Variants in DVL1 observed in about 807,000 individuals in gnomAD.
The protein encoded by DVL1 is dishevelled segment polarity protein 1.
A neutral mutation model predicts 65.0 loss-of-function variants in DVL1; 49 were observed. The observed-to-expected ratio is 0.75, with a 90% CI of 0.60 to 0.96. The LOEUF is 0.96. Ranked by LOEUF, DVL1 falls within the 40% of genes least tolerant of loss-of-function variation. The probability of loss-of-function intolerance (pLI) is 0.00; values close to 1 mark genes in which losing one functional copy is unlikely to be tolerated. For synonymous variants in DVL1, 608 were observed against 433.9 expected, an observed-to-expected ratio of 1.40 and a Z score of -4.99; for missense variants, 1,197 against 1,045.4, an observed-to-expected ratio of 1.15 and a Z score of -2.00.
At chr1:1,348,584 G>C (rs900507227) in intron 1 of DVL1, among the ~76,000 whole-genome samples, 2 of 152,222 alleles carry the variant, frequency 1.3e-5, no homozygotes, top group Non-Finnish European at 2.9e-5. Context: ...ACCAACGGCA[G>C]GCGCTCCCGG....
In DVL1 at chr1:1,341,432, G is replaced by A. The variant is rs307363; in HGVS notation, c.605+235C>T. 0.97 allele frequency among the ~76,000 whole-genome samples: 147,718 copies of A among 152,234 alleles called. 71,709 individuals are homozygous for A. The highest frequency in any genetic ancestry group is 0.99 in the African/African-American group (41,006 of 41,510). On this transcript the variant is annotated intron_variant, in intron 5 of 14. Transcript: ENST00000378888. ...AAGCAGACACGTGCATCATGTACAC[G>A]TTTGCACGCGGGCACACACACAGGC...
chr1:1,336,425 C>G lies in DVL1; in HGVS notation c.1805G>C (p.Ser602Thr), dbSNP rs1426774662. Reference protein sequence around the residue: ...RRAAGAGGSGSESDHTAPSGV... With the variant: ...RRAAGAGGSGTESDHTAPSGV... ...ACTCGGTGCCGTGTGATCCGATTCA[C>G]TGCCACTGCCCCCAGCTCCCGCCGC... Residue 602 changes from serine to threonine, a missense_variant, in exon 15 of 15, where the codon AGT (serine) becomes ACT (threonine). Physicochemically the swap from Ser to Thr is moderately conservative, Grantham distance 58. Coordinates refer to ENST00000378888, the MANE Select transcript of DVL1 (RefSeq NM_001330311.2). 2 of 1,594,836 alleles carry G rather than the reference C, an allele frequency of 1.3e-6. No homozygotes were observed. The highest frequency in any genetic ancestry group is 1.7e-6 in the Non-Finnish European group (2 of 1,176,438).
Position 1,337,135 on chromosome 1 carries a change from G to A in DVL1, c.1715-620C>T, listed in dbSNP as rs1262550153. The A allele has an allele frequency of 6.1e-6, 6 of 985,488 alleles. No homozygotes were observed. In the African/African-American group the frequency reaches 8.7e-5, roughly 14 times the overall value. 61.0% of individuals were successfully genotyped at this position (985,488 alleles called of 1,614,324 possible). On this transcript the variant is annotated intron_variant, in intron 14 of 14. Coordinates refer to ENST00000378888, the MANE Select transcript of DVL1 (RefSeq NM_001330311.2). ...CCTGCCCAGCACCCACCCGCCACCA[G>A]TGGGGACTGACCGCGGGCTGGGCGG...
chr1:1,345,817 G>C (rs913208278), intron 1 of DVL1, among the ~76,000 whole-genome samples: 7 of 152,128 alleles, frequency 4.6e-5, no homozygotes, highest in African/African-American at 1.7e-4. Context: ...AGGCGGTGCA[G>C]AGCCATCCTG....
intron 14 of DVL1, 100 bp from the exon 15 acceptor site, chr1:1,336,615 CCGTGCAGGA>C (rs1197808646): frequency 1.4e-6 from 2 of 1,412,160 alleles, no homozygotes; most frequent in Non-Finnish European, 1.8e-6. Context: ...GAACGGTGGC[CCGTGCAGGA>C]CGGGTGGGTG....
At chr1:1,340,589 G>T in intron 5 of DVL1, 86 bp from the exon 6 acceptor site, 1 of 1,418,416 alleles carries the variant, frequency 7.1e-7, no homozygotes, top group South Asian at 1.2e-5. Context: ...AGTGGGAATC[G>T]GGGGTCTAGG....
intron 5 of DVL1, among the ~76,000 whole-genome samples, chr1:1,340,705 G>A (rs1052069491): frequency 6.6e-5 from 10 of 152,126 alleles, no homozygotes; most frequent in Non-Finnish European, 1.3e-4. Context: ...CAGGCAAACT[G>A]GGCACAGACA....
Position 1,349,199 on chromosome 1 carries a change from C to T in DVL1, c.-134G>A. ...GCCCCGACGCTCCGAGGCCCCCGGG[C>T]GCCCCCGCCCGACCGCCCAGGCCCC... On this transcript the variant is annotated 5_prime_UTR_variant, in exon 1 of 15. Coordinates refer to ENST00000378888, the MANE Select transcript of DVL1 (RefSeq NM_001330311.2). This position sits in a 1 kb window ranked among gnomAD's most constrained non-coding sequence, Gnocchi z 4.1. 2.2e-6 allele frequency: 1 copy of T among 446,640 alleles called. No individual in the cohort carries two copies. Among genetic ancestry groups the T allele is most frequent in the Non-Finnish European group, 2.9e-6 (1 of 341,426 alleles). 27.7% of individuals were successfully genotyped at this position (446,640 alleles called of 1,614,324 possible). A position where few individuals can be genotyped will look rare whatever the true frequency, so the allele number is the denominator to read the frequency against.
chr1:1,338,775 G>T, intron 11 of DVL1, 122 bp from the exon 12 acceptor site: 1 of 1,430,898 alleles, frequency 7.0e-7, no homozygotes, highest in Non-Finnish European at 9.2e-7. Flanking sequence ...GACGGTGCGT[G>T]ACAGCAGGGC....
At chr1:1,343,729 T>G (rs1557672255) in intron 1 of DVL1, among the ~76,000 whole-genome samples, 1 of 151,738 alleles carries the variant, frequency 6.6e-6, no homozygotes. Context: ...CGGACGTAGG[T>G]GGGCTGGGAG....
Position 1,337,036 on chromosome 1 carries a change from G to A in DVL1, c.1715-521C>T, listed in dbSNP as rs910194860. 172 of 988,956 alleles carry A rather than the reference G, an allele frequency of 1.7e-4. No individual in the cohort carries two copies. The African/African-American group carries it at 2.5e-3, about 14-fold the overall frequency. The allele number at this position is 988,956 out of a possible 1,614,324, so 61.3% of individuals were successfully genotyped here. On this transcript the variant is annotated intron_variant, in intron 14 of 14. Coordinates refer to ENST00000378888, the MANE Select transcript of DVL1 (RefSeq NM_001330311.2). ...GGCTTACCGGCCCAAGGTCCGCTCC[G>A]CTAGTCCTTCAGTCTAAGGCTTGTT...
In DVL1 at chr1:1,338,658, A is replaced by G. The variant is rs897038078; in HGVS notation, c.1208-5T>C. 2 of 1,608,194 alleles carry G rather than the reference A, an allele frequency of 1.2e-6. No individual in the cohort carries two copies. Among genetic ancestry groups the G allele is most frequent in the African/African-American group, 2.7e-5 (2 of 74,916 alleles). On this transcript the variant is annotated splice_region_variant and splice_polypyrimidine_tract_variant and intron_variant, in intron 11 of 14. Coordinates refer to ENST00000378888, the MANE Select transcript of DVL1 (RefSeq NM_001330311.2). ...TCAGCGGCGCCTCTTCCAGCTCTGC[A>G]AAGCACAGACAGCCCCGCTTCAGCC... is the stretch of plus-strand genomic sequence containing the variant.
intron 14 of DVL1, among the ~76,000 whole-genome samples, chr1:1,337,530 C>T (rs1643619018): frequency 6.6e-6 from 1 of 152,208 alleles, no homozygotes; most frequent in Non-Finnish European, 1.5e-5. Context: ...CTTGGCCACC[C>T]CTGCCCTGTC....
In DVL1 at chr1:1,339,871, C is replaced by T. The variant is rs532322955; in HGVS notation, c.910-59G>A. 80 of 1,591,198 alleles carry T rather than the reference C, an allele frequency of 5.0e-5. No homozygotes were observed. The East Asian group carries it at 1.0e-3, about 21-fold the overall frequency. On this transcript the variant is annotated intron_variant, in intron 8 of 14. Coordinates refer to ENST00000378888, the MANE Select transcript of DVL1 (RefSeq NM_001330311.2). Reference sequence around the variant, plus strand: ...GATGTGCAGCTCAGTCCACCGCCCCCGCAGACCCACCCACAGCCGCATGTC... The same window carrying T: ...GATGTGCAGCTCAGTCCACCGCCCCTGCAGACCCACCCACAGCCGCATGTC...
rs779477027 is a variant in DVL1, at chr1:1,339,363, G to A, written c.1131C>T (p.Tyr377=). Residue 377 remains tyrosine, a synonymous_variant, in exon 11 of 15, where the codon TAC becomes TAT. Transcript: ENST00000378888. ...TAALTGALPR[Y]GTSPCSSAVT... is the part of the protein sequence containing the mutation. ...CGGCGCTGGAGCAGGGACTCGTACC[G>A]TAGCGGGGCAGGGCTCCTGTCAGTG... is the stretch of plus-strand genomic sequence containing the variant. The A allele has an allele frequency of 2.8e-5, 44 of 1,548,850 alleles. No individual in the cohort carries two copies. Among genetic ancestry groups the A allele is most frequent in the South Asian group, 1.2e-4 (10 of 83,994 alleles).
In DVL1 at chr1:1,349,351, TC is replaced by T. The variant is rs1643980062; in HGVS notation, c.-287del. The T allele has an allele frequency of 7.1e-6, 1 of 141,548 alleles. No individual in the cohort carries two copies. Among genetic ancestry groups the T allele is most frequent in the African/African-American group, 2.6e-5 (1 of 39,108 alleles). The allele number at this position is 141,548 out of a possible 1,614,324, so 8.8% of individuals were successfully genotyped here. On this transcript the variant is annotated 5_prime_UTR_variant, in exon 1 of 15. Transcript: ENST00000378888. The surrounding 1 kb of genome is among the most constrained non-coding windows in gnomAD (Gnocchi z 4.1). ...GAGGGCGCGCTCAGCCCCGCCGCCC[TC>T]CCGCCTGCGCCCCTCGGGCCGCGCC...
chr1:1,348,137 G>A (rs2100777304), intron 1 of DVL1, among the ~76,000 whole-genome samples: 1 of 152,316 alleles, frequency 6.6e-6, no homozygotes, highest in East Asian at 1.9e-4. Flanking sequence ...GGCCGGGCCA[G>A]GCCAGGCCTC....
rs307367 is a variant in DVL1 at position 1,339,161 on chromosome 1, G to A, written c.1207+126C>T. On this transcript the variant is annotated intron_variant, in intron 11 of 14. Transcript: ENST00000378888. ...GCCTGTGCACACGTCTGTGCAGGGA[G>A]TTGGGGACAGGCAACACACACGTGT... The A allele has an allele frequency of 0.011, 14,739 of 1,309,740 alleles. 1,221 individuals are homozygous for A. In the African/African-American group the frequency reaches 0.18, roughly 16 times the overall value. 81.1% of individuals were successfully genotyped at this position (1,309,740 alleles called of 1,614,324 possible).
intron 14 of DVL1, chr1:1,337,686 G>A (rs995678917): frequency 1.7e-6 from 1 of 604,272 alleles, no homozygotes; most frequent in Non-Finnish European, 3.1e-6. Flanking sequence ...CAGATGAGGT[G>A]GGGTCCAGGC....
Sources: gnomAD v4.1 joint callset for allele counts (sites outside exome capture counted in the v4.1 genomes callset) on GRCh38, gnomAD v4.1.1 for gene constraint, Gnocchi (gnomAD v3.1) non-coding constraint, MANE v1.5 for transcripts, NCBI Gene and HGNC (gene_info 2026-07-23, HGNC 2026-07-21) for gene names.